Variants in CDK6 observed in about 807,000 individuals in gnomAD.
CDK6 encodes the protein cyclin-dependent kinase 6.
Under a neutral mutation model 37.1 loss-of-function variants are expected in CDK6, and 6 were observed. That is an observed-to-expected ratio of 0.16 (90% CI 0.09 to 0.32). The LOEUF is 0.32. Ranked by LOEUF, CDK6 falls within the 10% of genes least tolerant of loss-of-function variation. The pLI, the probability that CDK6 is intolerant of heterozygous loss-of-function variation, is 1.00. For synonymous variants in CDK6, 160 were observed against 161.3 expected (o/e 0.99, Z 0.06); for missense variants, 224 against 418.9 (o/e 0.53, Z 4.06).
intron 5 of CDK6, among the ~76,000 whole-genome samples, chr7:92,648,092 T>C (rs563834059): frequency 3.3e-5 from 5 of 152,132 alleles, no homozygotes; most frequent in Non-Finnish European, 7.4e-5. Flanking sequence ...CCCGTGTGTG[T>C]GTGTGGGTAT....
intron 5 of CDK6, among the ~76,000 whole-genome samples, chr7:92,666,444 G>A (rs1176571245): frequency 6.6e-6 from 1 of 152,182 alleles, no homozygotes; most frequent in Admixed American, 6.5e-5. Context: ...TATTACTGTT[G>A]GTGACATGTG....
intron 2 of CDK6, among the ~76,000 whole-genome samples, chr7:92,777,565 G>A (rs957235499): frequency 6.6e-6 from 1 of 152,122 alleles, no homozygotes; most frequent in Non-Finnish European, 1.5e-5. Context: ...TATTTCTGAG[G>A]CCTCTGTTCT....
chr7:92,626,265 T>G (rs189322782), intron 5 of CDK6, among the ~76,000 whole-genome samples: 245 of 152,184 alleles, frequency 1.6e-3, no homozygotes, highest in Non-Finnish European at 2.6e-3. Context: ...TTATAATGTA[T>G]GTAATATACA....
chr7:92,751,570 A>G (rs992908184), intron 3 of CDK6, among the ~76,000 whole-genome samples: 1 of 152,234 alleles, frequency 6.6e-6, no homozygotes, highest in African/African-American at 2.4e-5. Context: ...AACTGTTATC[A>G]CATACGCAGT....
At chr7:92,792,073 G>C (rs1562966528) in intron 2 of CDK6, among the ~76,000 whole-genome samples, 1 of 152,110 alleles carries the variant, frequency 6.6e-6, no homozygotes, top group Non-Finnish European at 1.5e-5. Context: ...TGGATTATAG[G>C]AGAATAAAAT....
intron 2 of CDK6, among the ~76,000 whole-genome samples, chr7:92,816,812 T>C (rs1801041432): frequency 6.6e-6 from 1 of 151,870 alleles, no homozygotes; most frequent in Non-Finnish European, 1.5e-5. Context: ...AAACTCTATC[T>C]GTATGTCAAG....
intron 5 of CDK6, among the ~76,000 whole-genome samples, chr7:92,653,794 A>T (rs1463573216): frequency 1.3e-5 from 2 of 152,042 alleles, no homozygotes; most frequent in Non-Finnish European, 2.9e-5. Flanking sequence ...GTATTTAGAG[A>T]CAGGGTCTCA....
At chr7:92,638,791 A>C (rs1486889147) in intron 5 of CDK6, among the ~76,000 whole-genome samples, 10 of 152,166 alleles carry the variant, frequency 6.6e-5, no homozygotes. Context: ...CCAGAGTTAA[A>C]CATTGGATGC....
intron 5 of CDK6, among the ~76,000 whole-genome samples, chr7:92,640,395 A>G (rs1796276310): frequency 6.6e-6 from 1 of 152,124 alleles, no homozygotes; most frequent in Admixed American, 6.5e-5. Context: ...AGCTGATAGG[A>G]TTTTTCAATA....
intron 4 of CDK6, among the ~76,000 whole-genome samples, chr7:92,674,440 T>C (rs943825502): frequency 6.6e-6 from 1 of 152,234 alleles, no homozygotes; most frequent in Non-Finnish European, 1.5e-5. Flanking sequence ...TAAGGGCTTA[T>C]ACACCTATCA....
At chr7:92,758,631 C>T (rs557028073) in intron 3 of CDK6, among the ~76,000 whole-genome samples, 1 of 152,254 alleles carries the variant, frequency 6.6e-6, no homozygotes, top group Non-Finnish European at 1.5e-5. Context: ...GTTTTGATTC[C>T]ATATGAATTT....
intron 5 of CDK6, among the ~76,000 whole-genome samples, chr7:92,631,985 T>C (rs1402110822): frequency 2.0e-5 from 3 of 152,144 alleles, no homozygotes; most frequent in African/African-American, 4.8e-5. Flanking sequence ...CAACAGCAAA[T>C]ACTACATACA....
Position 92,605,537 on chromosome 7 carries a change from TCTC to T in CDK6, c.*9600_*9602del, listed in dbSNP as rs1795406271. ...TTACATATTTACCCTACTTTTCTATTCTCCTCCTCAGATAGGAAGGGTATAGAT... is the reference window on the plus strand; with the variant it reads ...TTACATATTTACCCTACTTTTCTATTCTCCTCAGATAGGAAGGGTATAGAT... On this transcript the variant is annotated 3_prime_UTR_variant, in exon 8 of 8. Coordinates refer to ENST00000424848, the MANE Select transcript of CDK6 (RefSeq NM_001145306.2). 1 of 233,044 alleles carries T rather than the reference TCTC, an allele frequency of 4.3e-6. No homozygotes were observed. The highest frequency in any genetic ancestry group is 1.8e-4 in the South Asian group (1 of 5,538). The allele number at this position is 233,044 out of a possible 1,614,324, so 14.4% of individuals were successfully genotyped here.
chr7:92,741,547 C>T (rs1445342677), intron 3 of CDK6, among the ~76,000 whole-genome samples: 1 of 152,052 alleles, frequency 6.6e-6, no homozygotes, highest in Non-Finnish European at 1.5e-5. Context: ...AGATTGCTAC[C>T]TCTGTCAGGT....
intron 2 of CDK6, among the ~76,000 whole-genome samples, chr7:92,826,254 G>A (rs1801308558): frequency 6.6e-6 from 1 of 152,136 alleles, no homozygotes; most frequent in Non-Finnish European, 1.5e-5. Context: ...TAGAGAGTCA[G>A]AAGAGGGCTG....
rs149564299 is a variant in CDK6 at position 92,760,042 on chromosome 7, G to A, written c.369+14654C>T. ...TACCTGCTAATCCAGGATTTTAAAA[G>A]TATTGAAAGCCTAGAGATTGTTACA... On this transcript the variant is annotated intron_variant, in intron 3 of 7. Coordinates refer to ENST00000424848, the MANE Select transcript of CDK6 (RefSeq NM_001145306.2). Among the ~76,000 whole-genome samples the A allele has an allele frequency of 1.4e-3, 216 of 152,242 alleles. 1 individual carries two copies. Among genetic ancestry groups the A allele is most frequent in the Middle Eastern group, 3.4e-3 (1 of 294 alleles).
chr7:92,803,248 C>A (rs188244420), intron 2 of CDK6, among the ~76,000 whole-genome samples: 2 of 152,226 alleles, frequency 1.3e-5, no homozygotes, highest in East Asian at 1.9e-4. Context: ...GTTTTGCTTA[C>A]AAGGAGCTTT....
At chr7:92,628,636 C>G (rs1217945669) in intron 5 of CDK6, among the ~76,000 whole-genome samples, 1 of 152,060 alleles carries the variant, frequency 6.6e-6, no homozygotes, top group Non-Finnish European at 1.5e-5. Context: ...CTGGGTAATT[C>G]AAGTGCAAGC....
At chr7:92,639,988 A>C (rs944330859) in intron 5 of CDK6, among the ~76,000 whole-genome samples, 6 of 152,194 alleles carry the variant, frequency 3.9e-5, no homozygotes, top group Non-Finnish European at 8.8e-5. Flanking sequence ...AAGGGTATCT[A>C]TCTCTCTAAA....
Sources: allele counts gnomAD v4.1 joint callset (sites outside exome capture counted in the v4.1 genomes callset), GRCh38; gene constraint gnomAD v4.1.1; transcripts MANE v1.5; gene names NCBI Gene and HGNC (gene_info 2026-07-23, HGNC 2026-07-21).